Variants in COPB2 observed in about 807,000 individuals in gnomAD.
COPB2 encodes coat protein complex I subunit beta 2.
In COPB2, 16 loss-of-function variants were observed where a neutral mutation model predicts 120.8. That is an observed-to-expected ratio of 0.13 (90% CI 0.09 to 0.20). The LOEUF (loss-of-function observed/expected upper bound fraction) is 0.20, where lower values mean the gene tolerates loss of function less well. Among genes scored for constraint, COPB2 ranks in the 10% least tolerant of loss-of-function variants. COPB2 has a pLI of 1.00. For synonymous variants in COPB2, 332 were observed against 366.3 expected, an observed-to-expected ratio of 0.91 and a Z score of 1.07; for missense variants, 794 against 1,076.5, an observed-to-expected ratio of 0.74 and a Z score of 3.67.
chr3:139,373,084 G>C (rs1037971283), intron 9 of COPB2, 129 bp downstream of exon 9: 38 of 871,692 alleles, frequency 4.4e-5, no homozygotes, highest in Middle Eastern at 3.4e-4. Context: ...GTTGAGGATT[G>C]TGAGGCCAGG....
chr3:139,371,653 G>C (rs780201264), intron 10 of COPB2, 70 bp downstream of exon 10: 1 of 1,301,046 alleles, frequency 7.7e-7, no homozygotes, highest in East Asian at 2.3e-5. Context: ...ATCAAGCCTT[G>C]AGAGTCTTCA....
chr3:139,371,107 G>A lies in COPB2; in HGVS notation c.1205+616C>T, dbSNP rs140031240. On this transcript the variant is annotated intron_variant, in intron 10 of 21. Transcript: ENST00000333188. ...ACACTAAACCCCTAATGTTTATTAC[G>A]TGCATTAAACAGGAATCAAAAAGGA... is the stretch of plus-strand genomic sequence containing the variant. Among the ~76,000 whole-genome samples, 670 of 152,206 alleles carry A rather than the reference G, an allele frequency of 4.4e-3. 1 individual carries two copies. The highest frequency in any genetic ancestry group is 0.014 in the African/African-American group (581 of 41,510).
Position 139,389,469 on chromosome 3 carries a change from C to A in COPB2, c.3+79G>T. 1 of 1,464,590 alleles carries A rather than the reference C, an allele frequency of 6.8e-7. No homozygotes were observed. Among genetic ancestry groups the A allele is most frequent in the Non-Finnish European group, 9.2e-7 (1 of 1,090,242 alleles). 90.7% of individuals were successfully genotyped at this position (1,464,590 alleles called of 1,614,324 possible). On this transcript the variant is annotated intron_variant, in intron 1 of 21. Coordinates refer to ENST00000333188, the MANE Select transcript of COPB2 (RefSeq NM_004766.3). ...AGCGGGAGCCCAGACCACTGCTTAC[C>A]GCGGCCCTCAGTCCAGAAGCTCCAG...
chr3:139,360,063 A>G (rs1258102516), intron 17 of COPB2, among the ~76,000 whole-genome samples: 2 of 152,146 alleles, frequency 1.3e-5, no homozygotes, highest in Non-Finnish European at 2.9e-5. Context: ...CTGTTTTCAG[A>G]ATATTTTTGG....
At chr3:139,366,249 AT>A (rs36102615) in intron 15 of COPB2, among the ~76,000 whole-genome samples, 13,738 of 151,698 alleles carry the variant, frequency 0.091, 779 homozygotes, top group Non-Finnish European at 0.14. Flanking sequence ...TATTTTAATC[AT>A]TTTTTTTTAA....
intron 1 of COPB2, among the ~76,000 whole-genome samples, chr3:139,384,581 G>A (rs139964464): frequency 7.9e-4 from 120 of 152,248 alleles, no homozygotes; most frequent in African/African-American, 2.6e-3. Context: ...ACTTAAAAAC[G>A]CTACAAGTGT....
chr3:139,383,950 G>A (rs1941863101), intron 1 of COPB2, among the ~76,000 whole-genome samples: 1 of 152,088 alleles, frequency 6.6e-6, no homozygotes, highest in Admixed American at 6.5e-5. Flanking sequence ...GAAGACAGAT[G>A]GTTTCTCATT....
chr3:139,384,404 T>C (rs1207226984), intron 1 of COPB2, among the ~76,000 whole-genome samples: 1 of 152,226 alleles, frequency 6.6e-6, no homozygotes, highest in Non-Finnish European at 1.5e-5. Flanking sequence ...TCAAGTTCAG[T>C]GAGTTTTTCA....
rs770747413 is a variant in COPB2 at position 139,359,076 on chromosome 3, T to C, written c.2406A>G (p.Lys802=). 1.9e-6 allele frequency: 3 copies of C among 1,614,158 alleles called. No individual in the cohort carries two copies. In the South Asian group the frequency reaches 3.3e-5, roughly 18 times the overall value. ...TEYENLFPGL[K]EAFVVEEWVK... ...CCCATTCTTCAACAACAAAGGCTTC[T>C]TTTAATCCAGGGAACAGGTTTTCAT... Residue 802 remains lysine, a synonymous_variant, in exon 19 of 22, where the codon AAA becomes AAG. Transcript: ENST00000333188.
chr3:139,373,299 T>G lies in COPB2; in HGVS notation c.1008A>C (p.Lys336Asn), dbSNP rs372480805. 6.2e-7 allele frequency: 1 copy of G among 1,614,090 alleles called. No homozygotes were observed. The highest frequency in any genetic ancestry group is 8.5e-7 in the Non-Finnish European group (1 of 1,180,036). Residue 336 changes from lysine to asparagine, a missense_variant, in exon 9 of 22, where the codon AAA becomes AAC. Around this residue, in one of 3 missense-constraint regions of COPB2, gnomAD observed 610 missense variants for 866.7 expected, o/e 0.70. Transcript: ENST00000333188. ...NLKAMGDAEI[K>N]DGERLPLAVK... ...CTGCCAGTGGCAATCTTTCACCATC[T>G]TTAATTTCAGCATCTCCCATTGCTT...
At chr3:139,358,685 GAA>G (rs79933053) in intron 20 of COPB2, 57 bp downstream of exon 20, 1,071 of 1,041,626 alleles carry the variant, frequency 1.0e-3, no homozygotes, top group Non-Finnish European at 9.9e-4. Context: ...TGTCTCAAAA[GAA>G]AAAAAAAAAA....
chr3:139,358,010 A>AGTT (rs1468215034), intron 21 of COPB2, 52 bp from the exon 22 acceptor site: 1 of 1,157,186 alleles, frequency 8.6e-7, no homozygotes, highest in Non-Finnish European at 1.3e-6. Flanking sequence ...GTTAAAGGAA[A>AGTT]GTTATCCGTG....
chr3:139,375,154 G>A lies in COPB2; in HGVS notation c.651+314C>T, dbSNP rs1156946434. 2.6e-5 allele frequency among the ~76,000 whole-genome samples: 4 copies of A among 152,310 alleles called. No individual in the cohort carries two copies. In the South Asian group the frequency reaches 8.3e-4, roughly 32 times the overall value. On this transcript the variant is annotated intron_variant, in intron 6 of 21. Coordinates refer to ENST00000333188, the MANE Select transcript of COPB2 (RefSeq NM_004766.3). ...TTTGGCAAAATGGTTGGTAATTGTTGATCTGCTAGCTTACAAAAATGAATA... is the reference window on the plus strand; with the variant it reads ...TTTGGCAAAATGGTTGGTAATTGTTAATCTGCTAGCTTACAAAAATGAATA...
chr3:139,387,081 C>T (rs796192389), intron 1 of COPB2, among the ~76,000 whole-genome samples: 9 of 151,186 alleles, frequency 6.0e-5, no homozygotes, highest in African/African-American at 2.2e-4. Flanking sequence ...CGTGGTGGCA[C>T]GCGCCTGCAG....
chr3:139,360,517 CAAAAAAAAAA>C (rs11439096), intron 17 of COPB2, among the ~76,000 whole-genome samples: 1 of 88,402 alleles, frequency 1.1e-5, no homozygotes, highest in Non-Finnish European at 2.1e-5. Flanking sequence ...GATTCCATCT[CAAAAAAAAAA>C]AAAAAAAAAG....
intron 12 of COPB2, among the ~76,000 whole-genome samples, 166 bp from the exon 13 acceptor site, chr3:139,368,454 G>A (rs1941561269): frequency 6.6e-6 from 1 of 152,142 alleles, no homozygotes; most frequent in Non-Finnish European, 1.5e-5. Flanking sequence ...GCTATTATGT[G>A]GCTATGCTAT....
chr3:139,360,516 T>TAAA (rs1576369266), intron 17 of COPB2, among the ~76,000 whole-genome samples: 1 of 55,086 alleles, frequency 1.8e-5, no homozygotes, highest in African/African-American at 5.3e-5. Flanking sequence ...AGATTCCATC[T>TAAA]CAAAAAAAAA....
At position 139,357,942 on chromosome 3, in the gene COPB2, T is replaced by A. The variant is rs1372691849; in HGVS notation, c.2642A>T (p.Glu881Val). Residue 881 changes from glutamate (E) to valine (V), a missense_variant, in exon 22 of 22, where the codon GAA (glutamate) becomes GTA (valine). Around this residue, in one of 3 missense-constraint regions of COPB2, gnomAD observed 178 missense variants for 183.2 expected, o/e 0.97. Coordinates refer to ENST00000333188, the MANE Select transcript of COPB2 (RefSeq NM_004766.3). ...NKEEKSLLEL[E>V]VDLDNLELED... ...TAATTCCAAATTATCCAAATCTACTTCTAGTTCGAGTAAACTCTGCAGACA... is the reference window on the plus strand; with the variant it reads ...TAATTCCAAATTATCCAAATCTACTACTAGTTCGAGTAAACTCTGCAGACA... The A allele has an allele frequency of 3.1e-6, 5 of 1,589,914 alleles. No homozygotes were observed. Among genetic ancestry groups the A allele is most frequent in the Non-Finnish European group, 4.3e-6 (5 of 1,161,408 alleles).
chr3:139,379,003 AT>A (rs1402550717), intron 4 of COPB2, 43 bp downstream of exon 4: 1 of 1,524,718 alleles, frequency 6.6e-7, no homozygotes, highest in Non-Finnish European at 8.8e-7. Context: ...ATGAAAATGA[AT>A]TACCCAAAGA....
Sources: gnomAD v4.1 joint callset for allele counts (sites outside exome capture counted in the v4.1 genomes callset) on GRCh38, gnomAD v4.1.1 for gene constraint, gnomAD v4.1.1 regional missense constraint, MANE v1.5 for transcripts, NCBI Gene and HGNC (gene_info 2026-07-23, HGNC 2026-07-21) for gene names.